GRID2: variants seen among roughly 807,000 people sequenced by gnomAD.
GRID2 encodes the protein glutamate receptor ionotropic, delta-2.
In GRID2, 33 loss-of-function variants were observed where a neutral mutation model predicts 114.8. The ratio of observed to expected loss-of-function variants is 0.29; its 90% confidence interval spans 0.22 to 0.38. The LOEUF (loss-of-function observed/expected upper bound fraction) is 0.38, where lower values mean the gene tolerates loss of function less well. Among genes scored for constraint, GRID2 ranks in the 10% least tolerant of loss-of-function variants. The pLI, the probability that GRID2 is intolerant of heterozygous loss-of-function variation, is 1.00. For missense variants in GRID2, 1,184 were observed against 1,257.7 expected (o/e 0.94, Z 0.89); for synonymous variants, 505 against 449.9 (o/e 1.12, Z -1.55).
intron 14 of GRID2, among the ~76,000 whole-genome samples, chr4:93,731,610 A>G (rs1730489300): frequency 6.6e-6 from 1 of 152,186 alleles, no homozygotes; most frequent in African/African-American, 2.4e-5. Flanking sequence ...GAAGAGAAAA[A>G]GCCCCAGGAC....
In GRID2 at chr4:93,275,199, C is replaced by T. The variant is rs186921179; in HGVS notation, c.1245+36709C>T. 3.9e-5 allele frequency among the ~76,000 whole-genome samples: 6 copies of T among 151,954 alleles called. No individual in the cohort carries two copies. The East Asian group carries it at 1.2e-3, about 29-fold the overall frequency. ...CTTTGTAACTGGCTTCATTCACTTA[C>T]TATTATATTTTTAAGATTTACCACT... On this transcript the variant is annotated intron_variant, in intron 8 of 15. Coordinates refer to ENST00000282020, the MANE Select transcript of GRID2 (RefSeq NM_001510.4).
chr4:93,611,218 A>T, intron 13 of GRID2, among the ~76,000 whole-genome samples: 1 of 99,430 alleles, frequency 1.0e-5, no homozygotes, highest in Non-Finnish European at 2.1e-5. Flanking sequence ...TTTCTTTATT[A>T]GTCTTGCTAG....
intron 2 of GRID2, among the ~76,000 whole-genome samples, chr4:92,808,589 T>C (rs1740524278): frequency 6.6e-6 from 1 of 152,064 alleles, no homozygotes; most frequent in Non-Finnish European, 1.5e-5. Context: ...TCATTGTTTC[T>C]GCTTTATTTT....
Position 92,839,257 on chromosome 4 carries a change from G to A in GRID2, c.245-245738G>A, listed in dbSNP as rs1028500607. Among the ~76,000 whole-genome samples the A allele has an allele frequency of 1.5e-4, 23 of 151,614 alleles. 1 individual carries two copies. Among genetic ancestry groups the A allele is most frequent in the Admixed American group, 1.4e-3 (22 of 15,180 alleles). On this transcript the variant is annotated intron_variant, in intron 2 of 15. Transcript: ENST00000282020. ...GACTTTGGTTCTTATTTCATACTGTGTGTTGTAAGAGTTCTTTTTTTTTTT... is the reference window on the plus strand; with the variant it reads ...GACTTTGGTTCTTATTTCATACTGTATGTTGTAAGAGTTCTTTTTTTTTTT...
At chr4:92,531,728 G>A (rs772955967) in intron 1 of GRID2, among the ~76,000 whole-genome samples, 1 of 151,934 alleles carries the variant, frequency 6.6e-6, no homozygotes, top group African/African-American at 2.4e-5. Flanking sequence ...ATTTAAGAGG[G>A]TTTTTCCTGT....
At chr4:92,616,590 T>G (rs1396437903) in intron 2 of GRID2, among the ~76,000 whole-genome samples, 1 of 151,598 alleles carries the variant, frequency 6.6e-6, no homozygotes, top group Non-Finnish European at 1.5e-5. Flanking sequence ...GAGACTCTTA[T>G]TACATCATTA....
chr4:93,397,376 G>A (rs1765432659), intron 9 of GRID2, among the ~76,000 whole-genome samples: 1 of 147,560 alleles, frequency 6.8e-6, no homozygotes, highest in Admixed American at 6.9e-5. Context: ...GATATTTAAA[G>A]TACAGCAAAT....
chr4:92,822,500 G>A, intron 2 of GRID2: 1 of 407,934 alleles, frequency 2.5e-6, no homozygotes, highest in South Asian at 2.0e-5. Flanking sequence ...CTCTCCACCT[G>A]GACAGTGTAT....
chr4:93,534,533 C>T (rs1450415551), intron 13 of GRID2, among the ~76,000 whole-genome samples: 1 of 151,980 alleles, frequency 6.6e-6, no homozygotes, highest in African/African-American at 2.4e-5. Flanking sequence ...GAATTTTTGC[C>T]TTTTTCACTC....
chr4:93,270,654 A>G (rs1017720802), intron 8 of GRID2, among the ~76,000 whole-genome samples: 4 of 151,660 alleles, frequency 2.6e-5, no homozygotes, highest in African/African-American at 9.7e-5. Context: ...TTTGAGGTGG[A>G]GTCTCATTCT....
intron 2 of GRID2, among the ~76,000 whole-genome samples, chr4:92,700,851 G>T (rs1734638622): frequency 6.6e-6 from 1 of 152,084 alleles, no homozygotes; most frequent in African/African-American, 2.4e-5. Flanking sequence ...AATTAGCCGG[G>T]CGAGGTGGCA....
intron 6 of GRID2, among the ~76,000 whole-genome samples, chr4:93,219,264 T>C (rs2149486209): frequency 6.6e-6 from 1 of 152,310 alleles, no homozygotes; most frequent in South Asian, 2.1e-4. Context: ...GACTGTGTCA[T>C]TTAGGGACAG....
chr4:92,449,320 C>T (rs1339492944), intron 1 of GRID2, among the ~76,000 whole-genome samples: 1 of 151,960 alleles, frequency 6.6e-6, no homozygotes, highest in Non-Finnish European at 1.5e-5. Flanking sequence ...GGGAAACATC[C>T]AGTACACAGC....
intron 4 of GRID2, among the ~76,000 whole-genome samples, chr4:93,113,158 T>G (rs1199062010): frequency 1.3e-5 from 2 of 152,170 alleles, no homozygotes; most frequent in African/African-American, 4.8e-5. Flanking sequence ...CTTCAGGTGG[T>G]CTTAACTATG....
intron 13 of GRID2, among the ~76,000 whole-genome samples, chr4:93,590,260 G>C (rs1282305196): frequency 1.3e-5 from 2 of 150,580 alleles, no homozygotes; most frequent in Non-Finnish European, 3.0e-5. Context: ...TCCAGTTTCA[G>C]CTTTCTACAT....
At chr4:93,355,979 A>G (rs1375444731) in intron 8 of GRID2, among the ~76,000 whole-genome samples, 3 of 152,036 alleles carry the variant, frequency 2.0e-5, no homozygotes, top group Non-Finnish European at 4.4e-5. Flanking sequence ...GAACATCACA[A>G]AGACTGACTT....
At chr4:92,507,415 T>TTGTG (rs70940902) in intron 1 of GRID2, among the ~76,000 whole-genome samples, 43,077 of 149,158 alleles carry the variant, frequency 0.29, 6,375 homozygotes, top group Non-Finnish European at 0.34. Flanking sequence ...TCGTGTATAA[T>TTGTG]TGTGTGTGTG....
At chr4:93,700,633 A>G (rs1287244871) in intron 14 of GRID2, among the ~76,000 whole-genome samples, 3 of 152,148 alleles carry the variant, frequency 2.0e-5, no homozygotes, top group Non-Finnish European at 4.4e-5. Flanking sequence ...TTTTCTCACT[A>G]CAAGCTCTGT....
At chr4:92,755,138 C>T (rs1475759163) in intron 2 of GRID2, among the ~76,000 whole-genome samples, 2 of 152,214 alleles carry the variant, frequency 1.3e-5, no homozygotes, top group African/African-American at 2.4e-5. Context: ...GGGGTCTACA[C>T]GTCAAATATG....
Sources: allele counts gnomAD v4.1 joint callset (sites outside exome capture counted in the v4.1 genomes callset), GRCh38; gene constraint gnomAD v4.1.1; transcripts MANE v1.5; gene names NCBI Gene and HGNC (gene_info 2026-07-23, HGNC 2026-07-21).